The following PIK3R5 variants were observed in gnomAD, a reference collection of about 807,000 sequenced individuals.
The protein encoded by PIK3R5 is phosphoinositide-3-kinase regulatory subunit 5, also known as phosphoinositide 3-kinase regulatory subunit 5.
Under a neutral mutation model 94.9 loss-of-function variants are expected in PIK3R5, and 32 were observed. The ratio of observed to expected loss-of-function variants is 0.34; its 90% CI spans 0.25 to 0.45. The LOEUF is 0.45. Ranked by LOEUF, PIK3R5 falls within the 20% of genes least tolerant of loss-of-function variation. The pLI, the probability that PIK3R5 is intolerant of heterozygous loss-of-function variation, is 1.00. For synonymous variants in PIK3R5, 443 were observed against 479.4 expected (o/e 0.92, Z 0.99); for missense variants, 853 against 1,144.6 (o/e 0.75, Z 3.68).
chr17:8,961,223 G>A (rs550925434), intron 1 of PIK3R5, among the ~76,000 whole-genome samples: 1 of 152,304 alleles, frequency 6.6e-6, no homozygotes, highest in African/African-American at 2.4e-5. Flanking sequence ...CACACGCAAA[G>A]GTGCAGAGGT....
chr17:8,880,967 G>C lies in PIK3R5; in HGVS notation c.2433C>G (p.Asn811Lys), dbSNP rs2089641276. 6.2e-7 allele frequency: 1 copy of C among 1,614,170 alleles called. No homozygotes were observed. The highest frequency in any genetic ancestry group is 8.5e-7 in the Non-Finnish European group (1 of 1,180,004). The change falls in exon 18 of 19, where the codon AAC (asparagine) becomes AAG (lysine). Residue 811 changes from asparagine (N) to lysine (K), a missense_variant. Physicochemically the swap from Asn to Lys is moderately conservative, Grantham distance 94. Transcript: ENST00000447110. Reference protein sequence around the residue: ...KVDKVQIIGSNSCPFAVCLDQ... With the variant: ...KVDKVQIIGSKSCPFAVCLDQ... ...CCAGGCACACAGCAAAGGGGCAGCTGTTGGAGCCGATGATCTGCACCTTGT... is the reference window on the plus strand; with the variant it reads ...CCAGGCACACAGCAAAGGGGCAGCTCTTGGAGCCGATGATCTGCACCTTGT...
chr17:8,913,150 C>A (rs572774300), intron 1 of PIK3R5, among the ~76,000 whole-genome samples: 1 of 152,210 alleles, frequency 6.6e-6, no homozygotes, highest in Middle Eastern at 3.4e-3. Context: ...CAAGTGGGGA[C>A]CCCCCTCCAG....
chr17:8,943,672 C>T (rs1303649821), intron 1 of PIK3R5, among the ~76,000 whole-genome samples: 1 of 152,102 alleles, frequency 6.6e-6, no homozygotes, highest in Non-Finnish European at 1.5e-5. Context: ...GTTCAGGAGG[C>T]TGAGGCAGGA....
chr17:8,903,506 T>C (rs1411147306), intron 5 of PIK3R5, among the ~76,000 whole-genome samples: 1 of 150,044 alleles, frequency 6.7e-6, no homozygotes. Flanking sequence ...AAAATATTTA[T>C]ATATTATGTT....
intron 1 of PIK3R5, among the ~76,000 whole-genome samples, chr17:8,946,251 G>A (rs76921296): frequency 4.6e-5 from 7 of 151,736 alleles, no homozygotes; most frequent in African/African-American, 7.3e-5. Context: ...AGTGCCAGCC[G>A]CTTACCGAGA....
intron 15 of PIK3R5, among the ~76,000 whole-genome samples, chr17:8,883,892 C>A (rs1233501439): frequency 2.0e-5 from 3 of 152,208 alleles, no homozygotes; most frequent in Non-Finnish European, 4.4e-5. Context: ...CTAGCAAGCA[C>A]CTGGCATGTG....
rs771462519 is a variant in PIK3R5 at position 8,890,909 on chromosome 17, G to A, written c.486C>T (p.Thr162=). 74 of 1,613,394 alleles carry A rather than the reference G, an allele frequency of 4.6e-5. No individual in the cohort carries two copies. The highest frequency in any genetic ancestry group is 1.7e-4 in the Middle Eastern group (1 of 6,002). Residue 162 remains threonine (T), a synonymous_variant, in exon 7 of 19, where the codon ACC becomes ACT. Transcript: ENST00000447110. The surrounding 1 kb of genome is among the most constrained non-coding windows in gnomAD (Gnocchi z 6.1). Reference sequence around the variant, plus strand: ...CTTCCACTGGGTTCAGCAGCAGCACGGTGCTGGGGACACAGGGGACCGGCT... The same window carrying A: ...CTTCCACTGGGTTCAGCAGCAGCACAGTGCTGGGGACACAGGGGACCGGCT... ...PIRSHRSSTV[T]VLLLNPVEVQ... is the part of the protein sequence containing the mutation.
At chr17:8,919,409 C>T (rs1244455226) in intron 1 of PIK3R5, among the ~76,000 whole-genome samples, 2 of 152,186 alleles carry the variant, frequency 1.3e-5, no homozygotes, top group Non-Finnish European at 2.9e-5. Context: ...ATTGCTATTT[C>T]TTCTGTAGTC....
chr17:8,936,079 T>C (rs894710604), intron 1 of PIK3R5, among the ~76,000 whole-genome samples: 1 of 149,548 alleles, frequency 6.7e-6, no homozygotes, highest in African/African-American at 2.5e-5. Flanking sequence ...AAGGAGACAA[T>C]GTTTATTTCT....
chr17:8,952,039 C>T (rs79150528), intron 1 of PIK3R5, among the ~76,000 whole-genome samples: 18 of 152,304 alleles, frequency 1.2e-4, no homozygotes, highest in African/African-American at 3.1e-4. Context: ...AATGCAGATG[C>T]GATGGCAATT....
intron 1 of PIK3R5, among the ~76,000 whole-genome samples, chr17:8,954,223 T>C (rs954632765): frequency 6.6e-6 from 1 of 152,206 alleles, no homozygotes; most frequent in African/African-American, 2.4e-5. Flanking sequence ...GAAAAATGCT[T>C]TGTATTTTTG....
chr17:8,943,914 C>T (rs567331434), intron 1 of PIK3R5, among the ~76,000 whole-genome samples: 4 of 149,430 alleles, frequency 2.7e-5, no homozygotes, highest in East Asian at 3.9e-4. Context: ...ATTTTAGGTG[C>T]GGGGGTACAT....
chr17:8,887,218 G>C lies in PIK3R5; in HGVS notation c.1783C>G (p.Leu595Val). 2 of 1,613,810 alleles carry C rather than the reference G, an allele frequency of 1.2e-6. No individual in the cohort carries two copies. Among genetic ancestry groups the C allele is most frequent in the African/African-American group, 1.3e-5 (1 of 75,046 alleles). ...CTCTCCTCCCATGGGGTGGTGCCCA[G>C]CTCCTAGGGCAAAGAACAAGAGTCA... ...DSPRHASPGE[L>V]GTTPWEESTN... The change falls in exon 12 of 19, where the codon CTG becomes GTG. Residue 595 changes from leucine to valine, a missense_variant. This residue lies in a region of PIK3R5 where 173 missense variants were observed against 274.1 expected (regional missense o/e 0.63). Coordinates refer to ENST00000447110, the MANE Select transcript of PIK3R5 (RefSeq NM_001142633.3).
chr17:8,880,891 C>G lies in PIK3R5; in HGVS notation c.2495+14G>C, dbSNP rs773339519. 1.2e-6 allele frequency: 2 copies of G among 1,612,022 alleles called. No homozygotes were observed. Among genetic ancestry groups the G allele is most frequent in the Admixed American group, 1.7e-5 (1 of 59,996 alleles). On this transcript the variant is annotated intron_variant, in intron 18 of 18. Coordinates refer to ENST00000447110, the MANE Select transcript of PIK3R5 (RefSeq NM_001142633.3). Reference sequence around the variant, plus strand: ...GCAGAAACTGCTCCCCTCCCTAGGACCCCCCTTTCCTACCTGACTACACTC... The same window carrying G: ...GCAGAAACTGCTCCCCTCCCTAGGAGCCCCCTTTCCTACCTGACTACACTC...
chr17:8,958,692 G>A (rs540960742), intron 1 of PIK3R5, among the ~76,000 whole-genome samples: 1 of 152,110 alleles, frequency 6.6e-6, no homozygotes, highest in East Asian at 1.9e-4. Context: ...AGTCATGCAT[G>A]CCTCTCTGAT....
At chr17:8,961,265 G>A (rs894863006) in intron 1 of PIK3R5, among the ~76,000 whole-genome samples, 12 of 152,088 alleles carry the variant, frequency 7.9e-5, no homozygotes, top group Admixed American at 4.6e-4. Context: ...AAGAAGGAGG[G>A]GTGGACCTGG....
chr17:8,893,795 C>T lies in PIK3R5; in HGVS notation c.413-140G>A. 1.5e-6 allele frequency: 1 copy of T among 651,270 alleles called. No homozygotes were observed. The highest frequency in any genetic ancestry group is 2.8e-6 in the Non-Finnish European group (1 of 358,828). The allele number at this position is 651,270 out of a possible 1,614,324, so 40.3% of individuals were successfully genotyped here. A position where few individuals can be genotyped will look rare whatever the true frequency, so the allele number is the denominator to read the frequency against. On this transcript the variant is annotated intron_variant, in intron 5 of 18. Transcript: ENST00000447110. This position sits in a 1 kb window ranked among gnomAD's most constrained non-coding sequence, Gnocchi z 5.1. ...CAGGCGAACCTGCAGAGAAGCTGTTCTGTGGACCCTCCAGGGTGCCTAGCA... is the reference window on the plus strand; with the variant it reads ...CAGGCGAACCTGCAGAGAAGCTGTTTTGTGGACCCTCCAGGGTGCCTAGCA...
intron 1 of PIK3R5, among the ~76,000 whole-genome samples, chr17:8,933,208 T>G (rs1159198599): frequency 1.3e-5 from 2 of 152,344 alleles, no homozygotes; most frequent in East Asian, 3.9e-4. Context: ...ATGTTTTATA[T>G]ATTGTTAGGT....
At chr17:8,938,606 CA>C (rs1453982503) in intron 1 of PIK3R5, among the ~76,000 whole-genome samples, 3 of 152,148 alleles carry the variant, frequency 2.0e-5, no homozygotes, top group Non-Finnish European at 4.4e-5. Flanking sequence ...TTATTCTGGA[CA>C]ATTCATATAA....
Sources: allele counts gnomAD v4.1 joint callset (sites outside exome capture counted in the v4.1 genomes callset), GRCh38; gene constraint gnomAD v4.1.1; regional missense constraint gnomAD v4.1.1; non-coding constraint Gnocchi (gnomAD v3.1); transcripts MANE v1.5; gene names NCBI Gene and HGNC (gene_info 2026-07-23, HGNC 2026-07-21).